The following TDP1 variants were observed in gnomAD, a reference collection of about 807,000 sequenced individuals.
TDP1 encodes the protein tyr-DNA phosphodiesterase 1.
A neutral mutation model predicts 81.5 loss-of-function variants in TDP1; 64 were observed. The observed-to-expected ratio is 0.79, with a 90% CI of 0.64 to 0.97. TDP1 has a LOEUF of 0.97. Ranked by LOEUF, TDP1 falls within the 50% of genes least tolerant of loss-of-function variation. The probability of loss-of-function intolerance (pLI) is 0.00; values close to 1 mark genes in which losing one functional copy is unlikely to be tolerated. For missense variants in TDP1, 723 were observed against 743.8 expected, an observed-to-expected ratio of 0.97 and a Z score of 0.33; for synonymous variants, 256 against 264.3, an observed-to-expected ratio of 0.97 and a Z score of 0.30.
chr14:90,030,262 C>T (rs1887133639), intron 15 of TDP1, among the ~76,000 whole-genome samples: 1 of 152,218 alleles, frequency 6.6e-6, no homozygotes, highest in Admixed American at 6.5e-5. Context: ...TGTGTCAGTG[C>T]CCTCGCCCTC....
intron 15 of TDP1, among the ~76,000 whole-genome samples, chr14:90,026,528 G>GT (rs1475655750): frequency 6.6e-6 from 1 of 152,100 alleles, no homozygotes; most frequent in Non-Finnish European, 1.5e-5. Context: ...TGTTACATAT[G>GT]TATACATGTG....
Position 90,026,698 on chromosome 14 carries a change from G to A in TDP1, c.1645-6408G>A, listed in dbSNP as rs1302627935. On this transcript the variant is annotated intron_variant, in intron 15 of 16. Coordinates refer to ENST00000335725, the MANE Select transcript of TDP1 (RefSeq NM_018319.4). ...TTGTTCAATTTCCACCTATGAGTGA[G>A]AACATGTGGTGTTTGGTTTTCTGTC... is the stretch of plus-strand genomic sequence containing the variant. 2.0e-5 allele frequency among the ~76,000 whole-genome samples: 3 copies of A among 152,228 alleles called. No homozygotes were observed. In the East Asian group the frequency reaches 5.8e-4, roughly 29 times the overall value.
At chr14:89,995,013 C>T (rs1223353491) in intron 14 of TDP1, among the ~76,000 whole-genome samples, 3 of 152,170 alleles carry the variant, frequency 2.0e-5, no homozygotes, top group Non-Finnish European at 4.4e-5. Flanking sequence ...TAATATTTGT[C>T]AGTTTTGTAC....
In TDP1 at chr14:90,044,349, CAG is replaced by C. The variant is rs1488524738; in HGVS notation, c.*1209_*1210del. On this transcript the variant is annotated 3_prime_UTR_variant, in exon 17 of 17. Transcript: ENST00000335725. ...CCAGGGTCACACAGTGAGCGGGGCT[CAG>C]AGCTTGAGTGTCTTTGTGCTTTGTG... The C allele has an allele frequency of 1.3e-5, 2 of 152,214 alleles. No individual in the cohort carries two copies. The highest frequency in any genetic ancestry group is 2.4e-5 in the African/African-American group (1 of 41,450). The allele number at this position is 152,214 out of a possible 1,614,324, so 9.4% of individuals were successfully genotyped here.
intron 12 of TDP1, among the ~76,000 whole-genome samples, chr14:89,990,450 G>A (rs35074860): frequency 3.3e-5 from 5 of 151,436 alleles, no homozygotes; most frequent in African/African-American, 1.2e-4. Flanking sequence ...AAAGCAGAAT[G>A]CACTGAATTA....
chr14:89,998,823 G>A (rs189180858), intron 14 of TDP1, among the ~76,000 whole-genome samples: 30 of 152,146 alleles, frequency 2.0e-4, no homozygotes, highest in Admixed American at 3.9e-4. Context: ...GGGAGGGTAG[G>A]TGAGTTCAGA....
At chr14:89,969,628 A>C (rs1484365757) in intron 5 of TDP1, among the ~76,000 whole-genome samples, 3 of 152,184 alleles carry the variant, frequency 2.0e-5, no homozygotes, top group African/African-American at 7.2e-5. Context: ...TCTAAAAATC[A>C]CAGGTGCGTG....
intron 14 of TDP1, among the ~76,000 whole-genome samples, chr14:90,007,508 G>A (rs1323116552): frequency 2.0e-5 from 3 of 152,072 alleles, no homozygotes; most frequent in African/African-American, 4.8e-5. Context: ...AAAATCGCTT[G>A]AACCCAGGAA....
intron 15 of TDP1, among the ~76,000 whole-genome samples, chr14:90,028,806 A>G (rs1293330131): frequency 6.6e-6 from 1 of 152,198 alleles, no homozygotes; most frequent in African/African-American, 2.4e-5. Context: ...GTCGAATATC[A>G]CAAAATGGAG....
chr14:89,974,380 C>T (rs1038670391), intron 6 of TDP1, among the ~76,000 whole-genome samples: 1 of 152,170 alleles, frequency 6.6e-6, no homozygotes, highest in African/African-American at 2.4e-5. Context: ...TATAGAGTGG[C>T]AGTCTTCCTT....
rs1893621801 is a variant in TDP1, at chr14:89,971,280, C to T, written c.756+9C>T. ...ACATCTCTCTCTGCCAGGTAAGCCACTTACTGCCGTTGGAGAGCACGCGTA... is the reference window on the plus strand; with the variant it reads ...ACATCTCTCTCTGCCAGGTAAGCCATTTACTGCCGTTGGAGAGCACGCGTA... On this transcript the variant is annotated intron_variant, in intron 6 of 16. Coordinates refer to ENST00000335725, the MANE Select transcript of TDP1 (RefSeq NM_018319.4). 6.2e-7 allele frequency: 1 copy of T among 1,610,542 alleles called. No homozygotes were observed. Among genetic ancestry groups the T allele is most frequent in the Non-Finnish European group, 8.5e-7 (1 of 1,176,700 alleles).
chr14:90,022,737 T>C, intron 15 of TDP1: 2 of 985,308 alleles, frequency 2.0e-6, no homozygotes, highest in Non-Finnish European at 2.4e-6. Context: ...TATGTGAAGC[T>C]TCTGGAAAAA....
rs556884485 is a variant in TDP1, at chr14:90,001,642, A to G, written c.1541+8159A>G. Among the ~76,000 whole-genome samples the G allele has an allele frequency of 2.0e-5, 3 of 152,210 alleles. No homozygotes were observed. The East Asian group carries it at 5.8e-4, about 29-fold the overall frequency. ...AACTGAATGAATGGTATCCCCCTTA[A>G]TCTAAATGCAGTTTATTTTCAGACT... On this transcript the variant is annotated intron_variant, in intron 14 of 16. Coordinates refer to ENST00000335725, the MANE Select transcript of TDP1 (RefSeq NM_018319.4).
At chr14:89,980,228 C>T in intron 7 of TDP1, 1 of 985,376 alleles carries the variant, frequency 1.0e-6, no homozygotes, top group Non-Finnish European at 1.2e-6. Flanking sequence ...TTCCAACGGT[C>T]CCTAGTAGTA....
chr14:89,998,396 A>ATG lies in TDP1; in HGVS notation c.1541+4914_1541+4915insGT, dbSNP rs1376102095. Among the ~76,000 whole-genome samples the ATG allele has an allele frequency of 2.3e-4, 26 of 112,726 alleles. 2 individuals carry two copies. The highest frequency in any genetic ancestry group is 1.2e-3 in the African/African-American group (24 of 20,012). The allele number at this position is 112,726 out of a possible 152,430, so 74.0% of individuals were successfully genotyped here. Reference sequence around the variant, plus strand: ...ATTATATATATATATATATATATATATATATATATATATATATATATATAT... The same window carrying ATG: ...ATTATATATATATATATATATATATATGTATATATATATATATATATATATAT... On this transcript the variant is annotated intron_variant, in intron 14 of 16. Coordinates refer to ENST00000335725, the MANE Select transcript of TDP1 (RefSeq NM_018319.4).
intron 14 of TDP1, among the ~76,000 whole-genome samples, chr14:90,003,280 C>G (rs1897342553): frequency 6.6e-6 from 1 of 152,220 alleles, no homozygotes; most frequent in Non-Finnish European, 1.5e-5. Flanking sequence ...TCTATTTAAT[C>G]AGGACAAGTA....
At chr14:90,019,518 GA>G (rs1885717529) in intron 15 of TDP1, 100 bp downstream of exon 15, 2 of 738,972 alleles carry the variant, frequency 2.7e-6, no homozygotes, top group Non-Finnish European at 4.9e-6. Context: ...AGGTAGGCAG[GA>G]AACAGTCGGG....
chr14:90,018,822 A>C (rs754585592), intron 14 of TDP1: 2 of 200,326 alleles, frequency 1.0e-5, no homozygotes, highest in Non-Finnish European at 1.8e-5. Flanking sequence ...CTCTAGATAC[A>C]AATAACAGTC....
At chr14:89,992,902 A>AGTATTTCT in intron 13 of TDP1, 1 of 984,148 alleles carries the variant, frequency 1.0e-6, no homozygotes, top group Non-Finnish European at 1.2e-6. Context: ...ATTTGACTAA[A>AGTATTTCT]GTATTTCTGC....
Sources: gnomAD v4.1 joint callset for allele counts (sites outside exome capture counted in the v4.1 genomes callset) on GRCh38, gnomAD v4.1.1 for gene constraint, MANE v1.5 for transcripts, NCBI Gene and HGNC (gene_info 2026-07-23, HGNC 2026-07-21) for gene names.